Variants in PLS3 observed in about 807,000 individuals in gnomAD.
The protein encoded by PLS3 is plastin 3, also known as plastin-3.
In PLS3, 11 loss-of-function variants were observed where a neutral mutation model predicts 46.5. The observed-to-expected ratio is 0.24, with a 90% CI of 0.15 to 0.39. The LOEUF (loss-of-function observed/expected upper bound fraction) is 0.39. PLS3 is among the 10% of genes least tolerant of loss of function. The pLI is 1.00. For missense variants in PLS3, 308 were observed against 461.8 expected (o/e 0.67, Z 3.05); for synonymous variants, 167 against 162.2 (o/e 1.03, Z -0.22).
chrX:115,634,023 C>T lies in PLS3; in HGVS notation c.524C>T (p.Pro175Leu). Residue 175 changes from proline to leucine, a missense_variant, in exon 6 of 16, where the codon CCT (proline) becomes CTT (leucine). Physicochemically the swap from Pro to Leu is moderately conservative, Grantham distance 98. Coordinates refer to ENST00000355899, the MANE Select transcript of PLS3 (RefSeq NM_005032.7). ...VLCKMINLSV[P>L]DTIDERAINK... The stretch of plus-strand genomic sequence containing the variant: ...AGTAAAATGATTAACCTTTCAGTTC[C>T]TGATACCATTGATGAAAGAGCAATC... 1 of 1,160,240 alleles carries T rather than the reference C, an allele frequency of 8.6e-7. No homozygotes were observed. The highest frequency in any genetic ancestry group is 1.2e-6 in the Non-Finnish European group (1 of 851,825).
At chrX:115,608,503 A>G in intron 1 of PLS3, among the ~76,000 whole-genome samples, 3 of 112,104 alleles carry the variant, frequency 2.7e-5, no homozygotes, top group Middle Eastern at 9.3e-3. Flanking sequence ...AATGTTCACC[A>G]GAGTCTTAGG....
intron 2 of PLS3, chrX:115,610,656 A>G: frequency 6.5e-6 from 2 of 307,065 alleles, no homozygotes; most frequent in Non-Finnish European, 1.1e-5. Context: ...TTTGTATCTC[A>G]TATCTTTCTG....
intron 2 of PLS3, among the ~76,000 whole-genome samples, chrX:115,613,918 G>A (rs955235634): frequency 6.3e-5 from 7 of 111,616 alleles, no homozygotes; most frequent in Admixed American, 1.9e-4. Context: ...ATTTTTTTAA[G>A]TGAAGCCTGC....
chrX:115,629,689 C>T, intron 4 of PLS3, 146 bp from the exon 5 acceptor site: 1 of 415,575 alleles, frequency 2.4e-6, no homozygotes, highest in Non-Finnish European at 4.1e-6. Flanking sequence ...GTGTTGCATC[C>T]AAGTGTCTGG....
intron 1 of PLS3, among the ~76,000 whole-genome samples, chrX:115,578,691 C>CAAAA (rs373605509): frequency 3.1e-3 from 83 of 26,848 alleles, no homozygotes; most frequent in African/African-American, 3.3e-3. Context: ...CGCCACTGCA[C>CAAAA]AAAAAAAAAA....
chrX:115,599,702 G>A (rs1301515132), intron 1 of PLS3, among the ~76,000 whole-genome samples: 1 of 105,377 alleles, frequency 9.5e-6, no homozygotes, highest in Non-Finnish European at 1.9e-5. Flanking sequence ...GTCCAATCTC[G>A]GCTCACTGCA....
At chrX:115,622,468 A>T in intron 3 of PLS3, 59 bp downstream of exon 3, 2 of 727,909 alleles carry the variant, frequency 2.7e-6, no homozygotes, top group South Asian at 5.3e-5. Flanking sequence ...GTCTAGTGGG[A>T]TGTTATAGTA....
Position 115,586,281 on chromosome X carries a change from G to A in PLS3, c.-8-23962G>A, listed in dbSNP as rs111557168. On this transcript the variant is annotated intron_variant, in intron 1 of 15. Coordinates refer to ENST00000355899, the MANE Select transcript of PLS3 (RefSeq NM_005032.7). ...ATTACAGGCGTGAGCCACTGCGCCC[G>A]GCCAAGAATAATCTAATTTGCTGTG... Among the ~76,000 whole-genome samples the A allele has an allele frequency of 8.1e-3, 865 of 106,598 alleles. 8 individuals carry two copies. The highest frequency in any genetic ancestry group is 0.027 in the African/African-American group (815 of 29,696). 92.6% of individuals were successfully genotyped at this position (106,598 alleles called of 115,157 possible). A position where few individuals can be genotyped will look rare whatever the true frequency, so the allele number is the denominator to read the frequency against.
intron 5 of PLS3, among the ~76,000 whole-genome samples, chrX:115,630,528 A>C (rs2074753545): frequency 9.2e-6 from 1 of 108,636 alleles, no homozygotes; most frequent in African/African-American, 3.3e-5. Flanking sequence ...AACTGTGATC[A>C]TAATACTCAA....
At chrX:115,612,683 G>GA (rs1348978892) in intron 2 of PLS3, among the ~76,000 whole-genome samples, 1 of 111,331 alleles carries the variant, frequency 9.0e-6, no homozygotes, top group African/African-American at 3.3e-5. Context: ...AGCGTGTGGA[G>GA]AAAATCTCTG....
intron 6 of PLS3, among the ~76,000 whole-genome samples, chrX:115,634,536 A>G (rs1556639883): frequency 8.9e-6 from 1 of 111,801 alleles, no homozygotes; most frequent in Non-Finnish European, 1.9e-5. Flanking sequence ...TCTCTCACCC[A>G]TTTAGGCATT....
At chrX:115,570,978 C>T (rs1247021479) in intron 1 of PLS3, among the ~76,000 whole-genome samples, 1 of 104,091 alleles carries the variant, frequency 9.6e-6, no homozygotes, top group Non-Finnish European at 2.0e-5. Context: ...TCACTGCAAC[C>T]TCCGCCTCCG....
At chrX:115,601,095 T>TA (rs1184463404) in intron 1 of PLS3, among the ~76,000 whole-genome samples, 1 of 110,631 alleles carries the variant, frequency 9.0e-6, no homozygotes, top group African/African-American at 3.3e-5. Flanking sequence ...AATCTGAAGA[T>TA]ACTTCCTGAA....
At chrX:115,611,009 T>A (rs2074543148) in intron 2 of PLS3, 2 of 475,647 alleles carry the variant, frequency 4.2e-6, no homozygotes, top group African/African-American at 4.8e-5. Context: ...AACAGCCTAC[T>A]TATGTAAATA....
At chrX:115,631,553 C>T (rs782530947) in intron 5 of PLS3, among the ~76,000 whole-genome samples, 3 of 109,968 alleles carry the variant, frequency 2.7e-5, no homozygotes, top group Non-Finnish European at 1.9e-5. Context: ...GGCAACAAAA[C>T]GAGACCCTGT....
chrX:115,563,960 G>A (rs2074156202), intron 1 of PLS3, among the ~76,000 whole-genome samples: 1 of 112,023 alleles, frequency 8.9e-6, no homozygotes, highest in African/African-American at 3.2e-5. Context: ...ACAGTGGTAG[G>A]GGGATAAGTT....
In PLS3 at chrX:115,647,990, C is replaced by T; in HGVS notation, c.1733C>T (p.Thr578Ile). ...GACCTTGTGAAGAGTGGCAATCTAA[C>T]AGAAGATGACAAGCACAATAATGCC... The part of the protein sequence containing the change: ...NYDLVKSGNL[T>I]EDDKHNNAKY... Residue 578 changes from threonine (T) to isoleucine (I), a missense_variant, in exon 15 of 16, where the codon ACA becomes ATA. Transcript: ENST00000355899. 3 of 1,203,388 alleles carry T rather than the reference C, an allele frequency of 2.5e-6. No individual in the cohort carries two copies. Among genetic ancestry groups the T allele is most frequent in the Non-Finnish European group, 3.4e-6 (3 of 888,624 alleles).
chrX:115,587,433 C>T lies in PLS3; in HGVS notation c.-8-22810C>T, dbSNP rs781909081. Among the ~76,000 whole-genome samples the T allele has an allele frequency of 4.5e-5, 5 of 111,921 alleles. No homozygotes were observed. The East Asian group carries it at 1.4e-3, about 32-fold the overall frequency. On this transcript the variant is annotated intron_variant, in intron 1 of 15. Coordinates refer to ENST00000355899, the MANE Select transcript of PLS3 (RefSeq NM_005032.7). Reference sequence around the variant, plus strand: ...TTGAGTTGTGAGCTAAACTAGCTGCCTTTTTAAAAATAGAAAACCAGGCCG... The same window carrying T: ...TTGAGTTGTGAGCTAAACTAGCTGCTTTTTTAAAAATAGAAAACCAGGCCG...
At chrX:115,623,036 G>C (rs1403958876) in intron 3 of PLS3, among the ~76,000 whole-genome samples, 1 of 111,155 alleles carries the variant, frequency 9.0e-6, no homozygotes. Context: ...CCCACTCCCA[G>C]AACTTAGTTT....
Sources: allele counts gnomAD v4.1 joint callset (sites outside exome capture counted in the v4.1 genomes callset), GRCh38; gene constraint gnomAD v4.1.1; transcripts MANE v1.5; gene names NCBI Gene and HGNC (gene_info 2026-07-23, HGNC 2026-07-21).